Variants in PPFIA4 observed in about 807,000 individuals in gnomAD.
PPFIA4 encodes PPFI scaffold protein A4.
PPFIA4 carries 98 observed loss-of-function variants against 145.7 expected under a neutral mutation model. The ratio of observed to expected loss-of-function variants is 0.67; its 90% confidence interval spans 0.57 to 0.80. The LOEUF (loss-of-function observed/expected upper bound fraction) is 0.80. Among genes scored for constraint, PPFIA4 ranks in the 30% least tolerant of loss-of-function variants. PPFIA4 has a pLI of 0.00. For synonymous variants in PPFIA4, 628 were observed against 649.6 expected, an observed-to-expected ratio of 0.97 and a Z score of 0.51; for missense variants, 1,457 against 1,632.7, an observed-to-expected ratio of 0.89 and a Z score of 1.85.
intron 29 of PPFIA4, chr1:203,076,136 C>T: frequency 1.6e-6 from 1 of 629,674 alleles, no homozygotes; most frequent in Non-Finnish European, 2.8e-6. Flanking sequence ...CCCCACGCAC[C>T]TGCCCTTGGC....
In PPFIA4 at chr1:203,044,013, C is replaced by A. The variant is rs754491483; in HGVS notation, c.419C>A (p.Ser140Ter). The A allele has an allele frequency of 6.2e-7, 1 of 1,612,620 alleles. No homozygotes were observed. The highest frequency in any genetic ancestry group is 1.7e-5 in the Admixed American group (1 of 59,980). The change falls in exon 4 of 30, where the codon TCA (serine) becomes TAA (stop). Residue 140 changes from serine (S) to a stop codon, truncating the protein, a stop_gained. Coordinates refer to ENST00000295706, the MANE Select transcript of PPFIA4 (RefSeq NM_001304331.2). LOFTEE classifies it high-confidence loss of function. ...RMTVVKRQAQSPSGVSSEVEV... is the reference protein window; with the variant it reads ...RMTVVKRQAQ ...ACTGTGGTGAAGCGCCAGGCCCAGT[C>A]ACCTTCGGGGGTCTCCAGTGAGGTG...
In PPFIA4 at chr1:203,048,728, C is replaced by T. The variant is rs773817542; in HGVS notation, c.1356+14C>T. 21 of 977,528 alleles carry T rather than the reference C, an allele frequency of 2.1e-5. No homozygotes were observed. Among genetic ancestry groups the T allele is most frequent in the African/African-American group, 5.2e-5 (2 of 38,124 alleles). 60.6% of individuals were successfully genotyped at this position (977,528 alleles called of 1,614,324 possible). A position where few individuals can be genotyped will look rare whatever the true frequency, so the allele number is the denominator to read the frequency against. On this transcript the variant is annotated intron_variant, in intron 11 of 29. Coordinates refer to ENST00000295706, the MANE Select transcript of PPFIA4 (RefSeq NM_001304331.2). The surrounding 1 kb of genome is among the most constrained non-coding windows in gnomAD (Gnocchi z 5.8). ...CTGGAGGAGAAGGTGCCCAGAGGGG[C>T]GGGGTTGGGATGCGAGAGGTTAGTG...
Position 203,075,869 on chromosome 1 carries a change from C to CGCTCCT in PPFIA4, c.3574+115_3574+120dup. On this transcript the variant is annotated intron_variant, in intron 29 of 29. Transcript: ENST00000295706. This position sits in a 1 kb window ranked among gnomAD's most constrained non-coding sequence, Gnocchi z 4.1. ...GGGCGAGGCCGAGGCTGGTGCCCCGCGCTCCTGCGCTGCAGCTGCACTAAC... is the reference window on the plus strand; with the variant it reads ...GGGCGAGGCCGAGGCTGGTGCCCCGCGCTCCTGCTCCTGCGCTGCAGCTGCACTAAC... The CGCTCCT allele has an allele frequency of 9.3e-7, 1 of 1,081,024 alleles. No homozygotes were observed. The highest frequency in any genetic ancestry group is 1.2e-6 in the Non-Finnish European group (1 of 812,848). The allele number at this position is 1,081,024 out of a possible 1,614,324, so 67.0% of individuals were successfully genotyped here. A position where few individuals can be genotyped will look rare whatever the true frequency, so the allele number is the denominator to read the frequency against.
At chr1:203,035,981 G>A (rs377401763) in intron 1 of PPFIA4, among the ~76,000 whole-genome samples, 51 of 152,318 alleles carry the variant, frequency 3.3e-4, no homozygotes, top group African/African-American at 1.2e-3. Context: ...GAGAAGAGAA[G>A]CAACCAAAGC....
chr1:203,057,062 G>C, intron 19 of PPFIA4, 112 bp downstream of exon 19: 1 of 1,541,966 alleles, frequency 6.5e-7, no homozygotes, highest in Non-Finnish European at 8.8e-7. Flanking sequence ...GTTGGGGGAA[G>C]CCCCAGGCAG....
In PPFIA4 at chr1:203,055,996, C is replaced by T; in HGVS notation, c.2071-124C>T. The T allele has an allele frequency of 1.1e-6, 1 of 878,400 alleles. No individual in the cohort carries two copies. Among genetic ancestry groups the T allele is most frequent in the Non-Finnish European group, 1.7e-6 (1 of 584,462 alleles). The allele number at this position is 878,400 out of a possible 1,614,324, so 54.4% of individuals were successfully genotyped here. A position where few individuals can be genotyped will look rare whatever the true frequency, so the allele number is the denominator to read the frequency against. Reference sequence around the variant, plus strand: ...TTTTTTTTTTTTCTGGCGTGATATTCTCTCCGGGCCTGTGTGAGGCACTGA... The same window carrying T: ...TTTTTTTTTTTTCTGGCGTGATATTTTCTCCGGGCCTGTGTGAGGCACTGA... On this transcript the variant is annotated intron_variant, in intron 16 of 29. Transcript: ENST00000295706. The surrounding 1 kb of genome is among the most constrained non-coding windows in gnomAD (Gnocchi z 4.8).
rs145135516 is a variant in PPFIA4 at position 203,060,094 on chromosome 1, C to T, written c.2584-123C>T. The T allele has an allele frequency of 2.8e-3, 2,652 of 943,636 alleles. 7 individuals carry two copies. The highest frequency in any genetic ancestry group is 3.6e-3 in the Non-Finnish European group (2,208 of 616,984). 58.5% of individuals were successfully genotyped at this position (943,636 alleles called of 1,614,324 possible). ...TGAGGGGTTTGATGACCGCCACATTCCTATGATCTGTATTTGCTATTCGAG... is the reference window on the plus strand; with the variant it reads ...TGAGGGGTTTGATGACCGCCACATTTCTATGATCTGTATTTGCTATTCGAG... On this transcript the variant is annotated intron_variant, in intron 21 of 29. Coordinates refer to ENST00000295706, the MANE Select transcript of PPFIA4 (RefSeq NM_001304331.2). The surrounding 1 kb of genome is among the most constrained non-coding windows in gnomAD (Gnocchi z 4.8).
chr1:203,067,807 C>T lies in PPFIA4; in HGVS notation c.3148+15C>T. On this transcript the variant is annotated intron_variant, in intron 26 of 29. Transcript: ENST00000295706. ...TGAGATCAAGGGTAAGCTCGTCAGGCTTGGAGAGGGTTCGGGAGCAGCCTG... is the reference window on the plus strand; with the variant it reads ...TGAGATCAAGGGTAAGCTCGTCAGGTTTGGAGAGGGTTCGGGAGCAGCCTG... 1 of 1,612,650 alleles carries T rather than the reference C, an allele frequency of 6.2e-7. No homozygotes were observed. Among genetic ancestry groups the T allele is most frequent in the African/African-American group, 1.3e-5 (1 of 74,990 alleles).
chr1:203,067,495 T>C, intron 25 of PPFIA4, 200 bp from the exon 26 acceptor site: 1 of 535,318 alleles, frequency 1.9e-6, no homozygotes, highest in Admixed American at 3.2e-5. Flanking sequence ...AGGGAGGATA[T>C]GGGTTAGACA....
chr1:203,049,626 G>GC, intron 12 of PPFIA4, 50 bp from the exon 13 acceptor site: 2 of 1,229,810 alleles, frequency 1.6e-6, no homozygotes, highest in South Asian at 1.7e-5. Context: ...CTCCCTCTCT[G>GC]CCCCTCCCTG....
chr1:203,072,743 G>C (rs1022702648), intron 28 of PPFIA4, among the ~76,000 whole-genome samples: 1 of 152,188 alleles, frequency 6.6e-6, no homozygotes, highest in African/African-American at 2.4e-5. Context: ...CTCTGCCTCG[G>C]GGACACAGGG....
At chr1:203,064,993 A>G (rs2102681890) in intron 25 of PPFIA4, among the ~76,000 whole-genome samples, 1 of 152,354 alleles carries the variant, frequency 6.6e-6, no homozygotes, top group South Asian at 2.1e-4. Context: ...TAATAAGACC[A>G]GGAGTAGGGG....
chr1:203,063,740 C>T, intron 24 of PPFIA4, 88 bp from the exon 25 acceptor site: 1 of 1,361,448 alleles, frequency 7.3e-7, no homozygotes, highest in Non-Finnish European at 1.0e-6. Context: ...AGGATGGATT[C>T]ATGTGTCTCC....
In PPFIA4 at chr1:203,043,415, C is replaced by G. The variant is rs759196922; in HGVS notation, c.253C>G (p.Arg85Gly). The change falls in exon 3 of 30, where the codon CGG (arginine) becomes GGG (glycine). Residue 85 changes from arginine to glycine, a missense_variant. By Grantham distance (125) the Arg-to-Gly change is moderately radical (BLOSUM62 -2). Around this residue, in one of 3 missense-constraint regions of PPFIA4, gnomAD observed 463 missense variants for 459.8 expected, o/e 1.01. Transcript: ENST00000295706. This position sits in a 1 kb window ranked among gnomAD's most constrained non-coding sequence, Gnocchi z 4.4. ...ALPQEFATLT[R>G]ELSMCREQLL... ...TTTTCAGGAATTTGCCACCTTAACC[C>G]GGGAGCTGAGCATGTGTCGGGAGCA... The G allele has an allele frequency of 1.9e-6, 3 of 1,610,792 alleles. No homozygotes were observed. In the South Asian group the frequency reaches 3.3e-5, roughly 18 times the overall value.
At position 203,051,836 on chromosome 1, in the gene PPFIA4, G is replaced by A. The variant is rs545893739; in HGVS notation, c.1579G>A (p.Val527Met). 8.7e-6 allele frequency: 14 copies of A among 1,613,808 alleles called. No homozygotes were observed. The highest frequency in any genetic ancestry group is 5.0e-5 in the Admixed American group (3 of 60,002). ...CACAACCACACACGCACCCCCAGGCGTGCATCGCCGCTACTCGGCATTGAG... is the reference window on the plus strand; with the variant it reads ...CACAACCACACACGCACCCCCAGGCATGCATCGCCGCTACTCGGCATTGAG... ...LGTTTHAPPGVHRRYSALREE... is the reference protein window; with the variant it reads ...LGTTTHAPPGMHRRYSALREE... The change falls in exon 14 of 30, where the codon GTG becomes ATG. Residue 527 changes from valine to methionine, a missense_variant. Transcript: ENST00000295706.
rs1193952620 is a variant in PPFIA4, at chr1:203,055,463, C to T, written c.1861C>T (p.Leu621Phe). Residue 621 changes from leucine to phenylalanine, a missense_variant, in exon 16 of 30, where the codon CTC becomes TTC. Leu to Phe is a conservative substitution (Grantham distance 22). Transcript: ENST00000295706. The surrounding 1 kb of genome is among the most constrained non-coding windows in gnomAD (Gnocchi z 4.8). Reference protein sequence around the residue: ...MIQEEKESTELRAEEIETRVT... With the variant: ...MIQEEKESTEFRAEEIETRVT... ...TCAGGAAGAGAAGGAGTCCACGGAG[C>T]TCCGCGCGGAGGAGATTGAGACGCG... 4 of 1,613,882 alleles carry T rather than the reference C, an allele frequency of 2.5e-6. No homozygotes were observed. Among genetic ancestry groups the T allele is most frequent in the Admixed American group, 3.3e-5 (2 of 60,010 alleles).
intron 20 of PPFIA4, among the ~76,000 whole-genome samples, chr1:203,059,547 A>G (rs1248354654): frequency 1.3e-5 from 2 of 152,180 alleles, no homozygotes; most frequent in African/African-American, 2.4e-5. Flanking sequence ...GTCAGGTCAC[A>G]TGCAAACAGA....
Position 203,039,105 on chromosome 1 carries a change from A to G in PPFIA4, c.97A>G (p.Met33Val), listed in dbSNP as rs1435161461. 5 of 1,608,178 alleles carry G rather than the reference A, an allele frequency of 3.1e-6. No homozygotes were observed. The highest frequency in any genetic ancestry group is 1.7e-5 in the Admixed American group (1 of 59,242). ...DANFEQLMVN[M>V]LDEREKLLES... The stretch of plus-strand genomic sequence containing the variant: ...CAACTTCGAGCAGCTGATGGTGAAC[A>G]TGCTGGACGAGCGGGAGAAGTTGCT... The change falls in exon 2 of 30, where the codon ATG (methionine) becomes GTG (valine). Residue 33 changes from methionine (M) to valine (V), a missense_variant. Around this residue, in one of 3 missense-constraint regions of PPFIA4, gnomAD observed 463 missense variants for 459.8 expected, o/e 1.01. Transcript: ENST00000295706.
chr1:203,075,055 G>A lies in PPFIA4; in HGVS notation c.3394-522G>A, dbSNP rs529175842. On this transcript the variant is annotated intron_variant, in intron 28 of 29. Transcript: ENST00000295706. The surrounding 1 kb of genome is among the most constrained non-coding windows in gnomAD (Gnocchi z 4.1). The stretch of plus-strand genomic sequence containing the variant: ...GAGGCTCAGAGGGGTCACTCACCTG[G>A]TACAGGGTCACATAGCCAGTAAAAT... 3.9e-5 allele frequency among the ~76,000 whole-genome samples: 6 copies of A among 152,240 alleles called. No homozygotes were observed. The East Asian group carries it at 1.2e-3, about 29-fold the overall frequency.
Sources: allele counts gnomAD v4.1 joint callset (sites outside exome capture counted in the v4.1 genomes callset), GRCh38; gene constraint gnomAD v4.1.1; regional missense constraint gnomAD v4.1.1; non-coding constraint Gnocchi (gnomAD v3.1); transcripts MANE v1.5; gene names NCBI Gene and HGNC (gene_info 2026-07-23, HGNC 2026-07-21).